The following GBP7 variants were observed in gnomAD, a reference collection of about 807,000 sequenced individuals.
GBP7 encodes guanylate-binding protein 7.
GBP7 carries 43 observed loss-of-function variants against 61.3 expected under a neutral mutation model. That is an observed-to-expected ratio of 0.70 (90% CI 0.55 to 0.91). GBP7 has a LOEUF of 0.91. Among genes scored for constraint, GBP7 ranks in the 40% least tolerant of loss-of-function variants. GBP7 has a pLI of 0.00. For synonymous variants in GBP7, 267 were observed against 271.0 expected, an observed-to-expected ratio of 0.99 and a Z score of 0.14; for missense variants, 717 against 740.5, an observed-to-expected ratio of 0.97 and a Z score of 0.37.
At chr1:89,157,686 A>G (rs1333959153) in intron 3 of GBP7, among the ~76,000 whole-genome samples, 1 of 152,126 alleles carries the variant, frequency 6.6e-6, no homozygotes, top group African/African-American at 2.4e-5. Context: ...GACCAATAGC[A>G]GGCTCTGAAA....
chr1:89,169,973 T>A (rs1481788243), intron 2 of GBP7, among the ~76,000 whole-genome samples: 1 of 152,248 alleles, frequency 6.6e-6, no homozygotes, highest in Admixed American at 6.5e-5. Flanking sequence ...ATGTTGGATC[T>A]GTCATGCCAA....
chr1:89,142,871 T>C (rs1163850121), intron 8 of GBP7, among the ~76,000 whole-genome samples: 1 of 152,202 alleles, frequency 6.6e-6, no homozygotes, highest in Non-Finnish European at 1.5e-5. Flanking sequence ...TTTTTTCTTA[T>C]TGTGTGATTG....
At chr1:89,159,613 G>T (rs1260380577) in intron 3 of GBP7, among the ~76,000 whole-genome samples, 3 of 152,124 alleles carry the variant, frequency 2.0e-5, no homozygotes, top group African/African-American at 7.2e-5. Context: ...ATGAAAAAAT[G>T]ATCATCATCA....
chr1:89,153,607 G>T (rs1682251496), intron 3 of GBP7, among the ~76,000 whole-genome samples: 1 of 152,182 alleles, frequency 6.6e-6, no homozygotes, highest in East Asian at 1.9e-4. Flanking sequence ...TGATTTTGTG[G>T]ATGCAAAGTT....
intron 3 of GBP7, among the ~76,000 whole-genome samples, chr1:89,162,383 A>T (rs1325764598): frequency 1.3e-5 from 2 of 152,192 alleles, no homozygotes; most frequent in Non-Finnish European, 2.9e-5. Context: ...GGTAATTTTA[A>T]CAATATTGAT....
intron 7 of GBP7, 95 bp downstream of exon 7, chr1:89,149,197 A>G: frequency 9.2e-7 from 1 of 1,084,912 alleles, no homozygotes; most frequent in South Asian, 1.9e-5. Context: ...TCCCTTTACT[A>G]CAAGAAGGAG....
chr1:89,161,537 T>C (rs897835602), intron 3 of GBP7, among the ~76,000 whole-genome samples: 3 of 152,218 alleles, frequency 2.0e-5, no homozygotes, highest in African/African-American at 7.2e-5. Flanking sequence ...TGTTAAGCTT[T>C]TTTTTTTCCA....
chr1:89,145,645 T>A (rs1451941667), intron 8 of GBP7, among the ~76,000 whole-genome samples: 3 of 152,106 alleles, frequency 2.0e-5, no homozygotes, highest in Non-Finnish European at 4.4e-5. Flanking sequence ...GGATACAAAA[T>A]TAGCATACAA....
rs190632489 is a variant in GBP7 at position 89,141,612 on chromosome 1, C to G, written c.1402G>C (p.Val468Leu). 1 of 1,613,770 alleles carries G rather than the reference C, an allele frequency of 6.2e-7. No homozygotes were observed. The highest frequency in any genetic ancestry group is 1.1e-5 in the South Asian group (1 of 91,068). The change falls in exon 9 of 11, where the codon GTG becomes CTG. Residue 468 changes from valine to leucine, a missense_variant. By Grantham distance (32) the Val-to-Leu change is conservative (BLOSUM62 1). Coordinates refer to ENST00000294671, the MANE Select transcript of GBP7 (RefSeq NM_207398.3). ...EVLQSFLQSQ[V>L]VIEESILQSD... ...TGCAGGATGGATTCCTCTATAACCA[C>G]CTGTGACTGCAGGAAGCTCTGGAGG...
At position 89,174,325 on chromosome 1, in the gene GBP7, C is replaced by A. The variant is rs571503229; in HGVS notation, c.-20+1596G>T. Among the ~76,000 whole-genome samples the A allele has an allele frequency of 4.6e-5, 7 of 152,180 alleles. No individual in the cohort carries two copies. In the South Asian group the frequency reaches 1.2e-3, roughly 27 times the overall value. On this transcript the variant is annotated intron_variant, in intron 1 of 10. Coordinates refer to ENST00000294671, the MANE Select transcript of GBP7 (RefSeq NM_207398.3). ...GAGTATATAATTTTGTAGATATTGCCAAGTTCCTCTCCAGAAAGTTGTACA... is the reference window on the plus strand; with the variant it reads ...GAGTATATAATTTTGTAGATATTGCAAAGTTCCTCTCCAGAAAGTTGTACA...
At chr1:89,153,940 T>A (rs534013985) in intron 3 of GBP7, among the ~76,000 whole-genome samples, 23 of 152,116 alleles carry the variant, frequency 1.5e-4, no homozygotes, top group Non-Finnish European at 2.8e-4. Context: ...AGAACCCAAG[T>A]CAAAATTGTT....
chr1:89,139,784 A>G (rs1681890204), intron 9 of GBP7, among the ~76,000 whole-genome samples: 2 of 152,242 alleles, frequency 1.3e-5, no homozygotes, highest in African/African-American at 2.4e-5. Flanking sequence ...TTAAAAAGTC[A>G]GGAAACAACA....
chr1:89,164,987 ACAAT>A (rs887164494), intron 2 of GBP7, 129 bp from the exon 3 acceptor site: 12 of 825,466 alleles, frequency 1.5e-5, no homozygotes, highest in African/African-American at 1.2e-4. Context: ...TTCAGCAAAG[ACAAT>A]CAATCAAATC....
chr1:89,167,286 T>C (rs1202257698), intron 2 of GBP7, among the ~76,000 whole-genome samples: 2 of 152,196 alleles, frequency 1.3e-5, no homozygotes, highest in Admixed American at 1.3e-4. Flanking sequence ...TCCCTTCTTT[T>C]TGTCTAGTTC....
intron 5 of GBP7, among the ~76,000 whole-genome samples, chr1:89,151,743 A>AT (rs200269847): frequency 0.039 from 5,897 of 150,214 alleles, 136 homozygotes; most frequent in African/African-American, 0.07. Flanking sequence ...ATGTCTGTGT[A>AT]TTTTTTTTTT....
chr1:89,152,171 A>T (rs1682216103), intron 5 of GBP7, 97 bp downstream of exon 5: 3 of 1,034,244 alleles, frequency 2.9e-6, no homozygotes. Flanking sequence ...GCCTCAATCC[A>T]GTCCAATATA....
chr1:89,134,342 C>T (rs1040417164), intron 9 of GBP7, among the ~76,000 whole-genome samples: 1 of 152,210 alleles, frequency 6.6e-6, no homozygotes, highest in African/African-American at 2.4e-5. Flanking sequence ...ATGCACAGAA[C>T]CTGCAGCACT....
chr1:89,167,791 A>G (rs1647483934), intron 2 of GBP7, among the ~76,000 whole-genome samples: 1 of 152,230 alleles, frequency 6.6e-6, no homozygotes, highest in Non-Finnish European at 1.5e-5. Flanking sequence ...AACTAAAATA[A>G]ATACCCTGGA....
intron 3 of GBP7, among the ~76,000 whole-genome samples, chr1:89,158,371 A>C (rs1682363681): frequency 6.6e-6 from 1 of 152,226 alleles, no homozygotes; most frequent in African/African-American, 2.4e-5. Context: ...GCAATTAGGC[A>C]AGAGAAGGAA....
Sources: gnomAD v4.1 joint callset for allele counts (sites outside exome capture counted in the v4.1 genomes callset) on GRCh38, gnomAD v4.1.1 for gene constraint, MANE v1.5 for transcripts, NCBI Gene and HGNC (gene_info 2026-07-23, HGNC 2026-07-21) for gene names.